Variants in TFAP2D observed in about 807,000 individuals in gnomAD.
TFAP2D encodes transcription factor AP-2 delta.
In TFAP2D, 9 loss-of-function variants were observed where a neutral mutation model predicts 43.6. The observed-to-expected ratio is 0.21, with a 90% CI of 0.12 to 0.36. TFAP2D has a LOEUF of 0.36. Ranked by LOEUF, TFAP2D falls within the 10% of genes least tolerant of loss-of-function variation. The probability of loss-of-function intolerance (pLI) is 1.00; values close to 1 mark genes in which losing one functional copy is unlikely to be tolerated. For synonymous variants in TFAP2D, 256 were observed against 224.9 expected, an observed-to-expected ratio of 1.14 and a Z score of -1.24; for missense variants, 513 against 561.4, an observed-to-expected ratio of 0.91 and a Z score of 0.87.
Position 50,729,303 on chromosome 6 carries a change from T to A in TFAP2D, c.874T>A (p.Leu292Met). Residue 292 changes from leucine to methionine, a missense_variant, in exon 5 of 8, where the codon TTG becomes ATG. Physicochemically the swap from Leu to Met is conservative, Grantham distance 15. Coordinates refer to ENST00000008391, the MANE Select transcript of TFAP2D (RefSeq NM_172238.4). ...AGCTAATGTCACCCTCCTTACTTCCTTGGTTGAAGGTATGACTTTTCAGTT... is the reference window on the plus strand; with the variant it reads ...AGCTAATGTCACCCTCCTTACTTCCATGGTTGAAGGTATGACTTTTCAGTT... ...KAANVTLLTS[L>M]VEGEALHLAR... 6.2e-7 allele frequency: 1 copy of A among 1,613,582 alleles called. No individual in the cohort carries two copies. The highest frequency in any genetic ancestry group is 1.1e-5 in the South Asian group (1 of 91,064).
intron 7 of TFAP2D, among the ~76,000 whole-genome samples, chr6:50,769,634 T>C (rs1430958311): frequency 3.3e-5 from 5 of 152,234 alleles, no homozygotes; most frequent in African/African-American, 1.2e-4. Flanking sequence ...AAAAAGCATC[T>C]GATTTTACCA....
At chr6:50,720,328 T>C (rs1053533289) in intron 3 of TFAP2D, among the ~76,000 whole-genome samples, 1 of 152,138 alleles carries the variant, frequency 6.6e-6, no homozygotes, top group African/African-American at 2.4e-5. Flanking sequence ...AGATTTTACA[T>C]CCCAATGTCC....
Position 50,772,720 on chromosome 6 carries a change from G to A in TFAP2D, c.1215G>A (p.Met405Ile). ...LSTFQTVLSE[M>I]LNYLEKHTTH... ...CTTTCCAAACAGTTCTCAGTGAAAT[G>A]CTGAACTACTTGGAAAAACACACTA... Residue 405 changes from methionine to isoleucine, a missense_variant, in exon 8 of 8, where the codon ATG (methionine) becomes ATA (isoleucine). Met to Ile is a conservative substitution (Grantham distance 10). Around this residue, in one of 3 missense-constraint regions of TFAP2D, gnomAD observed 199 missense variants for 227.9 expected, o/e 0.87. Transcript: ENST00000008391. 1.9e-6 allele frequency: 3 copies of A among 1,614,134 alleles called. No homozygotes were observed. Among genetic ancestry groups the A allele is most frequent in the Non-Finnish European group, 2.5e-6 (3 of 1,180,026 alleles).
chr6:50,761,228 CAA>C (rs35485585), intron 7 of TFAP2D, among the ~76,000 whole-genome samples: 1 of 142,812 alleles, frequency 7.0e-6, no homozygotes, highest in African/African-American at 2.6e-5. Context: ...TCACACACAC[CAA>C]AAAAAAAAAG....
intron 3 of TFAP2D, among the ~76,000 whole-genome samples, chr6:50,726,297 T>C (rs1231149675): frequency 2.0e-5 from 3 of 152,234 alleles, no homozygotes; most frequent in African/African-American, 7.2e-5. Context: ...ATTAGGTTTC[T>C]AATCCACTGA....
chr6:50,757,289 A>C (rs1402812616), intron 7 of TFAP2D, among the ~76,000 whole-genome samples: 2 of 143,592 alleles, frequency 1.4e-5, no homozygotes, highest in Non-Finnish European at 1.5e-5. Context: ...ATATCTCTCT[A>C]TATAGATATT....
At chr6:50,738,770 C>T (rs539964922) in intron 5 of TFAP2D, among the ~76,000 whole-genome samples, 1 of 152,186 alleles carries the variant, frequency 6.6e-6, no homozygotes, top group Non-Finnish European at 1.5e-5. Context: ...TCTACTACCA[C>T]ATTTTCTCTT....
At chr6:50,755,681 A>G (rs923465394) in intron 7 of TFAP2D, among the ~76,000 whole-genome samples, 1 of 151,918 alleles carries the variant, frequency 6.6e-6, no homozygotes, top group Non-Finnish European at 1.5e-5. Context: ...TGTATTGTAT[A>G]CTAATATATT....
At chr6:50,727,614 A>G (rs1768827569) in intron 3 of TFAP2D, among the ~76,000 whole-genome samples, 1 of 152,186 alleles carries the variant, frequency 6.6e-6, no homozygotes, top group East Asian at 1.9e-4. Flanking sequence ...ATTTTAGACA[A>G]CACTCTTCTG....
intron 7 of TFAP2D, among the ~76,000 whole-genome samples, chr6:50,769,564 A>T (rs560633603): frequency 1.3e-5 from 2 of 152,354 alleles, no homozygotes; most frequent in East Asian, 3.9e-4. Context: ...AAGCATTTAT[A>T]TATAACTACC....
intron 7 of TFAP2D, among the ~76,000 whole-genome samples, chr6:50,767,246 C>G (rs538417647): frequency 2.0e-5 from 3 of 152,266 alleles, no homozygotes; most frequent in Admixed American, 2.0e-4. Flanking sequence ...AGAGTGGGCA[C>G]CGTCTTCTTG....
chr6:50,749,728 G>A (rs1049346468), intron 6 of TFAP2D, among the ~76,000 whole-genome samples: 1 of 151,826 alleles, frequency 6.6e-6, no homozygotes, highest in African/African-American at 2.4e-5. Context: ...ATTTCATAAA[G>A]CAACTGAGTC....
intron 3 of TFAP2D, among the ~76,000 whole-genome samples, chr6:50,722,267 T>C (rs1283317052): frequency 6.6e-6 from 1 of 152,210 alleles, no homozygotes; most frequent in Admixed American, 6.5e-5. Flanking sequence ...CAATAATCTT[T>C]ACTTTACCCT....
chr6:50,760,176 A>G (rs1173371410), intron 7 of TFAP2D, among the ~76,000 whole-genome samples: 2 of 152,090 alleles, frequency 1.3e-5, no homozygotes, highest in Non-Finnish European at 2.9e-5. Context: ...CTCAGAGTAC[A>G]TATTAACATT....
intron 6 of TFAP2D, among the ~76,000 whole-genome samples, chr6:50,745,725 C>A (rs990871990): frequency 6.6e-6 from 1 of 152,020 alleles, no homozygotes; most frequent in African/African-American, 2.4e-5. Context: ...ATGAGTGTCC[C>A]CATCCTCTCT....
intron 5 of TFAP2D, among the ~76,000 whole-genome samples, chr6:50,740,761 C>A (rs1183427286): frequency 6.6e-6 from 1 of 152,130 alleles, no homozygotes; most frequent in African/African-American, 2.4e-5. Flanking sequence ...TTCTTAATGA[C>A]TGTATAACAG....
At chr6:50,771,991 C>A (rs1009083999) in intron 7 of TFAP2D, among the ~76,000 whole-genome samples, 7 of 152,120 alleles carry the variant, frequency 4.6e-5, no homozygotes, top group Non-Finnish European at 1.0e-4. Context: ...TGGAACCAAC[C>A]CAAATGTCCA....
chr6:50,757,136 A>G (rs1769276280), intron 7 of TFAP2D, among the ~76,000 whole-genome samples: 1 of 151,258 alleles, frequency 6.6e-6, no homozygotes, highest in Non-Finnish European at 1.5e-5. Flanking sequence ...TGTTTGCGTT[A>G]TTTCTAGTAG....
At chr6:50,720,938 T>C (rs562424058) in intron 3 of TFAP2D, among the ~76,000 whole-genome samples, 27 of 152,292 alleles carry the variant, frequency 1.8e-4, no homozygotes, top group African/African-American at 5.1e-4. Flanking sequence ...GAGCGTAAGA[T>C]ACCTGACAGA....
Sources: gnomAD v4.1 joint callset for allele counts (sites outside exome capture counted in the v4.1 genomes callset) on GRCh38, gnomAD v4.1.1 for gene constraint, gnomAD v4.1.1 regional missense constraint, MANE v1.5 for transcripts, NCBI Gene and HGNC (gene_info 2026-07-23, HGNC 2026-07-21) for gene names.